BMP3: variants seen among roughly 807,000 people sequenced by gnomAD.
The protein encoded by BMP3 is bone morphogenetic protein 3 (osteogenic).
In BMP3, 23 loss-of-function variants were observed where a neutral mutation model predicts 38.1. The ratio of observed to expected loss-of-function variants is 0.60; its 90% CI spans 0.43 to 0.86. BMP3 has a LOEUF of 0.86. Ranked by LOEUF, BMP3 falls within the 40% of genes least tolerant of loss-of-function variation. BMP3 has a pLI of 0.00. For synonymous variants in BMP3, 258 were observed against 225.7 expected (o/e 1.14, Z -1.28); for missense variants, 628 against 579.6 (o/e 1.08, Z -0.86).
chr4:81,044,046 A>C (rs1331510978), intron 1 of BMP3, among the ~76,000 whole-genome samples: 1 of 152,172 alleles, frequency 6.6e-6, no homozygotes, highest in African/African-American at 2.4e-5. Flanking sequence ...ATGACATGGG[A>C]GGTAGATATT....
chr4:81,044,799 T>C (rs937062013), intron 1 of BMP3, among the ~76,000 whole-genome samples: 5 of 152,238 alleles, frequency 3.3e-5, no homozygotes, highest in African/African-American at 9.6e-5. Context: ...CATGTGTCAG[T>C]ACTTCATTCT....
intron 2 of BMP3, among the ~76,000 whole-genome samples, chr4:81,047,159 G>A (rs946207300): frequency 6.6e-6 from 1 of 152,192 alleles, no homozygotes; most frequent in African/African-American, 2.4e-5. Flanking sequence ...GATTGACTCA[G>A]GTAAACTGGC....
intron 1 of BMP3, among the ~76,000 whole-genome samples, chr4:81,035,265 TA>T (rs902930985): frequency 6.6e-6 from 1 of 151,986 alleles, no homozygotes; most frequent in Non-Finnish European, 1.5e-5. Flanking sequence ...GAATTACATA[TA>T]AAAAAATTTA....
Position 81,030,731 on chromosome 4 carries a change from ACACGCACACACGCGCGCG to A in BMP3, c.-552_-535del, listed in dbSNP as rs1739717633. Reference sequence around the variant, plus strand: ...GTCTCTCTCTCTCATACACACACACACACGCACACACGCGCGCGCGCGCGCGCACACACACACACACGT... The same window carrying A: ...GTCTCTCTCTCTCATACACACACACACGCGCGCGCACACACACACACACGT... On this transcript the variant is annotated 5_prime_UTR_variant, in exon 1 of 3. Transcript: ENST00000282701. Among the ~76,000 whole-genome samples, 1 of 151,762 alleles carries A rather than the reference ACACGCACACACGCGCGCG, an allele frequency of 6.6e-6. No individual in the cohort carries two copies. Among genetic ancestry groups the A allele is most frequent in the African/African-American group, 2.4e-5 (1 of 41,322 alleles).
At position 81,031,571 on chromosome 4, in the gene BMP3, C is replaced by G. The variant is rs1404930051; in HGVS notation, c.287C>G (p.Thr96Arg). ...CCTCGGCTCCTGCGCGAAGGCAACA[C>G]GGTTCGCAGCTTTCGGGCGGCAGCA... ...WRPRLLREGN[T>R]VRSFRAAAAE... Residue 96 changes from threonine (T) to arginine (R), a missense_variant, in exon 1 of 3, where the codon ACG (threonine) becomes AGG (arginine). Coordinates refer to ENST00000282701, the MANE Select transcript of BMP3 (RefSeq NM_001201.5). The G allele has an allele frequency of 6.2e-7, 1 of 1,606,632 alleles. No homozygotes were observed. The highest frequency in any genetic ancestry group is 1.1e-5 in the South Asian group (1 of 90,012).
Position 81,054,275 on chromosome 4 carries a change from G to A in BMP3, c.*739G>A, listed in dbSNP as rs1018401209. ...AATAATTCAAGAGCATATACAGAGA[G>A]TTACCACTTGACCCAGCTATTTAAT... On this transcript the variant is annotated 3_prime_UTR_variant, in exon 3 of 3. Coordinates refer to ENST00000282701, the MANE Select transcript of BMP3 (RefSeq NM_001201.5). 4 of 152,540 alleles carry A rather than the reference G, an allele frequency of 2.6e-5. No individual in the cohort carries two copies. Among genetic ancestry groups the A allele is most frequent in the African/African-American group, 9.7e-5 (4 of 41,420 alleles). The allele number at this position is 152,540 out of a possible 1,614,324, so 9.4% of individuals were successfully genotyped here.
At chr4:81,045,674 T>C in intron 1 of BMP3, 64 bp from the exon 2 acceptor site, 2 of 1,327,146 alleles carry the variant, frequency 1.5e-6, no homozygotes, top group Non-Finnish European at 2.0e-6. Context: ...TTTGAGTTAA[T>C]TGTCATATAG....
At position 81,031,044 on chromosome 4, in the gene BMP3, C is replaced by G. The variant is rs1439998167; in HGVS notation, c.-241C>G. The G allele has an allele frequency of 3.9e-6, 2 of 513,030 alleles. No individual in the cohort carries two copies. The highest frequency in any genetic ancestry group is 2.8e-5 in the South Asian group (1 of 35,116). 31.8% of individuals were successfully genotyped at this position (513,030 alleles called of 1,614,324 possible). A position where few individuals can be genotyped will look rare whatever the true frequency, so the allele number is the denominator to read the frequency against. On this transcript the variant is annotated 5_prime_UTR_variant, in exon 1 of 3. Transcript: ENST00000282701. ...GTTGGAGTGGAGACGGCGCCCGCAG[C>G]GCCCTGCGCGGGTGAGGTCCGCGCA...
rs1388530640 is a variant in BMP3, at chr4:81,054,296, T to A, written c.*760T>A. On this transcript the variant is annotated 3_prime_UTR_variant, in exon 3 of 3. Transcript: ENST00000282701. ...GAGAGTTACCACTTGACCCAGCTAT[T>A]TAATTGCAAATACAGTTGTTTTCAT... The A allele has an allele frequency of 6.6e-6, 1 of 152,630 alleles. No homozygotes were observed. Among genetic ancestry groups the A allele is most frequent in the Non-Finnish European group, 1.5e-5 (1 of 68,030 alleles). 9.5% of individuals were successfully genotyped at this position (152,630 alleles called of 1,614,324 possible).
intron 1 of BMP3, among the ~76,000 whole-genome samples, chr4:81,035,937 A>G (rs1179961652): frequency 1.3e-5 from 2 of 151,954 alleles, no homozygotes; most frequent in African/African-American, 4.8e-5. Flanking sequence ...GTTCAACGGA[A>G]CACTGTCTCA....
At position 81,055,025 on chromosome 4, in the gene BMP3, A is replaced by G. The variant is rs1218103482; in HGVS notation, c.*1489A>G. 6.6e-6 allele frequency: 1 copy of G among 152,134 alleles called. No homozygotes were observed. Among genetic ancestry groups the G allele is most frequent in the Non-Finnish European group, 1.5e-5 (1 of 68,026 alleles). 9.4% of individuals were successfully genotyped at this position (152,134 alleles called of 1,614,324 possible). A position where few individuals can be genotyped will look rare whatever the true frequency, so the allele number is the denominator to read the frequency against. ...GTCATTTAATAAATATGTTTTGAGCATCTATTTTGTGAAAGGCACTGTGTT... is the reference window on the plus strand; with the variant it reads ...GTCATTTAATAAATATGTTTTGAGCGTCTATTTTGTGAAAGGCACTGTGTT... On this transcript the variant is annotated 3_prime_UTR_variant, in exon 3 of 3. Transcript: ENST00000282701.
rs60276507 is a variant in BMP3, at chr4:81,036,094, A to T, written c.316+4494A>T. Among the ~76,000 whole-genome samples the T allele has an allele frequency of 3.5e-3, 539 of 152,030 alleles. 9 individuals carry two copies. The East Asian group carries it at 0.036, about 10-fold the overall frequency. Reference sequence around the variant, plus strand: ...AATTTTAGATATCTTCTGTCATTAAATTTTATTTTTTCCTATATCTTTATG... The same window carrying T: ...AATTTTAGATATCTTCTGTCATTAATTTTTATTTTTTCCTATATCTTTATG... On this transcript the variant is annotated intron_variant, in intron 1 of 2. Transcript: ENST00000282701.
chr4:81,039,196 T>C (rs913647772), intron 1 of BMP3, among the ~76,000 whole-genome samples: 1 of 152,214 alleles, frequency 6.6e-6, no homozygotes, highest in African/African-American at 2.4e-5. Flanking sequence ...GATGTGTCCC[T>C]GTCCTAGGCA....
At chr4:81,039,054 C>T (rs1209772862) in intron 1 of BMP3, among the ~76,000 whole-genome samples, 1 of 152,176 alleles carries the variant, frequency 6.6e-6, no homozygotes, top group African/African-American at 2.4e-5. Context: ...GAAGGAGAAA[C>T]ACAATTCTAT....
rs1238265421 is a variant in BMP3 at position 81,046,354 on chromosome 4, G to T, written c.933G>T (p.Lys311Asn). 1 of 1,613,914 alleles carries T rather than the reference G, an allele frequency of 6.2e-7. No homozygotes were observed. Among genetic ancestry groups the T allele is most frequent in the East Asian group, 2.2e-5 (1 of 44,876 alleles). Residue 311 changes from lysine to asparagine, a missense_variant, in exon 2 of 3, where the codon AAG becomes AAT. By Grantham distance (94) the Lys-to-Asn change is moderately conservative. Coordinates refer to ENST00000282701, the MANE Select transcript of BMP3 (RefSeq NM_001201.5). ...CTGGGGCAGAATACCAGTATAAAAA[G>T]GATGAGGTGTGGGAGGAGAGAAAGC... ...ELPGAEYQYK[K>N]DEVWEERKPY...
chr4:81,052,148 G>GT (rs1161877469), intron 2 of BMP3, among the ~76,000 whole-genome samples: 1 of 151,942 alleles, frequency 6.6e-6, no homozygotes, highest in Admixed American at 6.6e-5. Flanking sequence ...CTGGGGCGGG[G>GT]TTCCTCTGAG....
chr4:81,038,861 C>T (rs1578294889), intron 1 of BMP3, among the ~76,000 whole-genome samples: 3 of 152,208 alleles, frequency 2.0e-5, no homozygotes, highest in Admixed American at 2.0e-4. Flanking sequence ...CATAGGTCTG[C>T]CCTCTCAGCA....
At chr4:81,046,683 A>G in intron 2 of BMP3, 35 bp downstream of exon 2, 2 of 1,555,622 alleles carry the variant, frequency 1.3e-6, no homozygotes, top group Non-Finnish European at 1.7e-6. Context: ...CTTACTTCCT[A>G]TTTCCATTAG....
intron 1 of BMP3, among the ~76,000 whole-genome samples, chr4:81,042,883 G>C (rs1185403395): frequency 6.6e-6 from 1 of 152,146 alleles, no homozygotes. Flanking sequence ...TGACTGGTAT[G>C]AATTAAGGCT....
Sources: gnomAD v4.1 joint callset for allele counts (sites outside exome capture counted in the v4.1 genomes callset) on GRCh38, gnomAD v4.1.1 for gene constraint, MANE v1.5 for transcripts, NCBI Gene and HGNC (gene_info 2026-07-23, HGNC 2026-07-21) for gene names.